NKAIN2: variants seen among roughly 807,000 people sequenced by gnomAD.
NKAIN2 encodes the protein sodium/potassium-transporting ATPase subunit beta-1-interacting protein 2.
NKAIN2 carries 14 observed loss-of-function variants against 32.6 expected under a neutral mutation model. The ratio of observed to expected loss-of-function variants is 0.43; its 90% CI spans 0.28 to 0.67. The LOEUF is 0.67. Among genes scored for constraint, NKAIN2 ranks in the 30% least tolerant of loss-of-function variants. NKAIN2 has a pLI of 0.17. For missense variants in NKAIN2, 198 were observed against 258.3 expected (o/e 0.77, Z 1.60); for synonymous variants, 80 against 87.2 (o/e 0.92, Z 0.46).
At chr6:124,297,390 A>G (rs1244276453) in intron 2 of NKAIN2, among the ~76,000 whole-genome samples, 1 of 152,212 alleles carries the variant, frequency 6.6e-6, no homozygotes, top group East Asian at 1.9e-4. Context: ...CATATTTACT[A>G]TTATGTAAAA....
At chr6:123,902,677 C>CA (rs1041059768) in intron 1 of NKAIN2, among the ~76,000 whole-genome samples, 9 of 151,934 alleles carry the variant, frequency 5.9e-5, no homozygotes, top group African/African-American at 2.2e-4. Flanking sequence ...TAATACATTC[C>CA]AAAAAAATAT....
At chr6:124,060,043 C>A (rs567469294) in intron 1 of NKAIN2, among the ~76,000 whole-genome samples, 1 of 152,128 alleles carries the variant, frequency 6.6e-6, no homozygotes, top group East Asian at 1.9e-4. Flanking sequence ...TGGGCAGAGG[C>A]CATATCTTTT....
chr6:124,370,337 T>C (rs900950994), intron 3 of NKAIN2, among the ~76,000 whole-genome samples: 2 of 152,164 alleles, frequency 1.3e-5, no homozygotes, highest in East Asian at 3.9e-4. Context: ...ATATTTTTAA[T>C]TTTTAATAAC....
At position 123,890,583 on chromosome 6, in the gene NKAIN2, C is replaced by T. The variant is rs548031980; in HGVS notation, c.54+86329C>T. Reference sequence around the variant, plus strand: ...AGTAGCCATCAGTGTTTATTTCAATCCGAGGCCTTATGTGAAAAATAGTAC... The same window carrying T: ...AGTAGCCATCAGTGTTTATTTCAATTCGAGGCCTTATGTGAAAAATAGTAC... On this transcript the variant is annotated intron_variant, in intron 1 of 6. Transcript: ENST00000368417. Among the ~76,000 whole-genome samples, 5 of 151,940 alleles carry T rather than the reference C, an allele frequency of 3.3e-5. No individual in the cohort carries two copies. In the South Asian group the frequency reaches 8.3e-4, roughly 25 times the overall value.
At chr6:124,427,378 C>T (rs1775025363) in intron 3 of NKAIN2, among the ~76,000 whole-genome samples, 1 of 152,094 alleles carries the variant, frequency 6.6e-6, no homozygotes, top group African/African-American at 2.4e-5. Context: ...AAATAATCAC[C>T]ATCATCCTAA....
chr6:123,858,580 A>G (rs1775655258), intron 1 of NKAIN2, among the ~76,000 whole-genome samples: 1 of 152,220 alleles, frequency 6.6e-6, no homozygotes, highest in Non-Finnish European at 1.5e-5. Flanking sequence ...TAAAGCAGAA[A>G]GTACTGCCTT....
chr6:124,775,167 CT>C (rs1778932352), intron 4 of NKAIN2, among the ~76,000 whole-genome samples: 1 of 152,062 alleles, frequency 6.6e-6, no homozygotes, highest in Admixed American at 6.6e-5. Context: ...TAACAACAGG[CT>C]TTTGAACTAT....
intron 1 of NKAIN2, among the ~76,000 whole-genome samples, chr6:123,856,474 T>C (rs1010452903): frequency 6.6e-6 from 1 of 152,246 alleles, no homozygotes; most frequent in African/African-American, 2.4e-5. Context: ...AAAGTAGCCA[T>C]TGGCATATAA....
chr6:123,901,629 A>C (rs1349290231), intron 1 of NKAIN2, among the ~76,000 whole-genome samples: 2 of 152,160 alleles, frequency 1.3e-5, no homozygotes, highest in Non-Finnish European at 2.9e-5. Flanking sequence ...CTCCCTCTGC[A>C]TATCAGTCAT....
chr6:123,908,103 C>T (rs1043748138), intron 1 of NKAIN2, among the ~76,000 whole-genome samples: 10 of 152,098 alleles, frequency 6.6e-5, no homozygotes, highest in Admixed American at 3.3e-4. Flanking sequence ...AGAAAGAGTT[C>T]GATTATCTAT....
intron 1 of NKAIN2, among the ~76,000 whole-genome samples, chr6:124,240,871 A>G (rs774867234): frequency 6.6e-5 from 10 of 152,138 alleles, no homozygotes; most frequent in Admixed American, 1.3e-4. Context: ...CCTATTCAAC[A>G]TAGTTGGAAG....
At chr6:124,322,743 G>A (rs762695983) in intron 2 of NKAIN2, among the ~76,000 whole-genome samples, 3 of 152,154 alleles carry the variant, frequency 2.0e-5, no homozygotes, top group Non-Finnish European at 2.9e-5. Context: ...ATTTTTGTGT[G>A]AGCATAGTTC....
At chr6:123,895,703 A>G (rs1449271997) in intron 1 of NKAIN2, among the ~76,000 whole-genome samples, 1 of 152,226 alleles carries the variant, frequency 6.6e-6, no homozygotes, top group Non-Finnish European at 1.5e-5. Context: ...ATGAGATAGT[A>G]GATGCAAATG....
At chr6:124,600,996 T>G (rs1295350966) in intron 3 of NKAIN2, among the ~76,000 whole-genome samples, 1 of 152,098 alleles carries the variant, frequency 6.6e-6, no homozygotes, top group East Asian at 1.9e-4. Flanking sequence ...GACCTTCTGC[T>G]GCAGGTGCTA....
chr6:124,562,485 T>A (rs1780732743), intron 3 of NKAIN2, among the ~76,000 whole-genome samples: 1 of 152,210 alleles, frequency 6.6e-6, no homozygotes, highest in African/African-American at 2.4e-5. Flanking sequence ...GTTCTTAAAC[T>A]TTTTGTTCTC....
intron 3 of NKAIN2, among the ~76,000 whole-genome samples, chr6:124,444,636 T>A (rs1775817624): frequency 6.6e-6 from 1 of 152,068 alleles, no homozygotes; most frequent in African/African-American, 2.4e-5. Context: ...AAATATATTC[T>A]TGAATTAGGC....
intron 3 of NKAIN2, among the ~76,000 whole-genome samples, chr6:124,505,486 T>G (rs981490136): frequency 6.6e-6 from 1 of 152,148 alleles, no homozygotes; most frequent in Non-Finnish European, 1.5e-5. Context: ...GGCACCAAAT[T>G]TTAGTATTGC....
chr6:124,557,499 CA>C (rs1157217364), intron 3 of NKAIN2, among the ~76,000 whole-genome samples: 1 of 151,848 alleles, frequency 6.6e-6, no homozygotes, highest in Non-Finnish European at 1.5e-5. Flanking sequence ...GAAAACAAAA[CA>C]AAAAAAGTCC....
intron 1 of NKAIN2, among the ~76,000 whole-genome samples, chr6:123,899,782 G>A (rs1774466716): frequency 6.6e-6 from 1 of 152,174 alleles, no homozygotes; most frequent in South Asian, 2.1e-4. Flanking sequence ...AACACTGGGA[G>A]TTGGGGTCTT....
Sources: gnomAD v4.1 joint callset for allele counts (sites outside exome capture counted in the v4.1 genomes callset) on GRCh38, gnomAD v4.1.1 for gene constraint, MANE v1.5 for transcripts, NCBI Gene and HGNC (gene_info 2026-07-23, HGNC 2026-07-21) for gene names.